Variants in MYT1L observed in about 807,000 individuals in gnomAD.
MYT1L encodes the protein myelin transcription factor 1 like.
A neutral mutation model predicts 126.7 loss-of-function variants in MYT1L; 12 were observed. That is an observed-to-expected ratio of 0.09 (90% CI 0.06 to 0.15). The LOEUF (loss-of-function observed/expected upper bound fraction) is 0.15. Among genes scored for constraint, MYT1L ranks in the 10% least tolerant of loss-of-function variants. The pLI is 1.00. For missense variants in MYT1L, 979 were observed against 1,585.2 expected (o/e 0.62, Z 6.49); for synonymous variants, 541 against 604.2 (o/e 0.90, Z 1.53).
intron 4 of MYT1L, among the ~76,000 whole-genome samples, chr2:1,998,729 AC>A (rs2062091487): frequency 6.6e-6 from 1 of 152,070 alleles, no homozygotes; most frequent in Non-Finnish European, 1.5e-5. Flanking sequence ...AACTTCTCTT[AC>A]CCCTCCTTTG....
intron 2 of MYT1L, among the ~76,000 whole-genome samples, chr2:2,185,284 C>T (rs2091994625): frequency 6.6e-6 from 1 of 152,232 alleles, no homozygotes; most frequent in Non-Finnish European, 1.5e-5. Context: ...CATATTTGTG[C>T]TATTTAATTA....
At chr2:1,980,193 T>A (rs1023694534) in intron 5 of MYT1L, among the ~76,000 whole-genome samples, 12 of 147,904 alleles carry the variant, frequency 8.1e-5, no homozygotes, top group African/African-American at 2.9e-4. Flanking sequence ...ATATCTTATG[T>A]ATATATAAAA....
chr2:1,869,498 G>C (rs536212090), intron 18 of MYT1L, among the ~76,000 whole-genome samples: 4 of 152,322 alleles, frequency 2.6e-5, no homozygotes, highest in South Asian at 2.1e-4. Context: ...CGGTGTAACA[G>C]AGATGGGACT....
intron 8 of MYT1L, among the ~76,000 whole-genome samples, chr2:1,951,777 A>G (rs569620421): frequency 6.6e-6 from 1 of 152,298 alleles, no homozygotes; most frequent in African/African-American, 2.4e-5. Flanking sequence ...TGCTTCCCAA[A>G]TCTGAGTTCT....
At chr2:1,803,455 G>C (rs1558601399) in intron 22 of MYT1L, among the ~76,000 whole-genome samples, 1 of 152,238 alleles carries the variant, frequency 6.6e-6, no homozygotes, top group Non-Finnish European at 1.5e-5. Flanking sequence ...AAGAATTCAT[G>C]ATAAATGTCA....
chr2:1,936,202 C>T (rs963035204), intron 9 of MYT1L, among the ~76,000 whole-genome samples: 2 of 152,184 alleles, frequency 1.3e-5, no homozygotes, highest in South Asian at 2.1e-4. Context: ...GGATTACAGG[C>T]GTGAGCCACC....
At chr2:1,901,471 A>T (rs1374708203) in intron 14 of MYT1L, among the ~76,000 whole-genome samples, 1 of 152,152 alleles carries the variant, frequency 6.6e-6, no homozygotes, top group Admixed American at 6.5e-5. Flanking sequence ...AACCAACAGA[A>T]CTATTTCTGT....
chr2:2,249,555 A>C (rs549923824), intron 2 of MYT1L, among the ~76,000 whole-genome samples: 1 of 152,248 alleles, frequency 6.6e-6, no homozygotes, highest in Non-Finnish European at 1.5e-5. Flanking sequence ...TAAATGTAAG[A>C]CCTCAAACTA....
At chr2:1,906,118 C>T (rs2051018325) in intron 13 of MYT1L, among the ~76,000 whole-genome samples, 1 of 152,152 alleles carries the variant, frequency 6.6e-6, no homozygotes, top group Non-Finnish European at 1.5e-5. Context: ...GACACAAAAG[C>T]TATTTTTTAA....
At chr2:1,999,240 C>A (rs766764870) in intron 4 of MYT1L, among the ~76,000 whole-genome samples, 21 of 152,122 alleles carry the variant, frequency 1.4e-4, no homozygotes, top group African/African-American at 5.1e-4. Flanking sequence ...TTTCTAATTT[C>A]TAAATGTGAT....
intron 5 of MYT1L, among the ~76,000 whole-genome samples, chr2:1,984,352 T>C (rs1221104423): frequency 6.6e-6 from 1 of 152,002 alleles, no homozygotes; most frequent in Non-Finnish European, 1.5e-5. Context: ...TGTGCCACCA[T>C]GCCTGGCTAA....
intron 3 of MYT1L, among the ~76,000 whole-genome samples, chr2:2,141,803 G>A (rs1022619268): frequency 5.9e-5 from 9 of 152,266 alleles, no homozygotes; most frequent in African/African-American, 1.7e-4. Flanking sequence ...TCAGCCAAAC[G>A]CCAGAGAGCT....
chr2:1,832,978 A>G (rs573558002), intron 21 of MYT1L, among the ~76,000 whole-genome samples: 4 of 152,212 alleles, frequency 2.6e-5, no homozygotes, highest in Non-Finnish European at 4.4e-5. Flanking sequence ...GACGGAGATC[A>G]TCGGTGCTGG....
At chr2:2,151,163 C>T (rs2085726697) in intron 3 of MYT1L, among the ~76,000 whole-genome samples, 1 of 152,094 alleles carries the variant, frequency 6.6e-6, no homozygotes, top group African/African-American at 2.4e-5. Flanking sequence ...TATAACTCGA[C>T]CAGCTTTAGA....
At chr2:1,863,257 C>T (rs1254300030) in intron 18 of MYT1L, among the ~76,000 whole-genome samples, 1 of 152,164 alleles carries the variant, frequency 6.6e-6, no homozygotes, top group Non-Finnish European at 1.5e-5. Context: ...ATCCTGTGGC[C>T]TTTGGGACTA....
chr2:2,152,410 A>C (rs2085954674), intron 3 of MYT1L, among the ~76,000 whole-genome samples: 1 of 152,250 alleles, frequency 6.6e-6, no homozygotes, highest in Non-Finnish European at 1.5e-5. Context: ...GACTGTGGTG[A>C]GTAGTTGAAA....
At chr2:2,122,108 G>C (rs2081098266) in intron 3 of MYT1L, among the ~76,000 whole-genome samples, 1 of 152,214 alleles carries the variant, frequency 6.6e-6, no homozygotes, top group South Asian at 2.1e-4. Flanking sequence ...GCACTGGTGA[G>C]ATCCCACACT....
chr2:2,012,115 T>C (rs1269289382), intron 4 of MYT1L, among the ~76,000 whole-genome samples: 2 of 152,238 alleles, frequency 1.3e-5, no homozygotes, highest in Non-Finnish European at 2.9e-5. Context: ...CACATTCATA[T>C]AAAGACTGTA....
intron 4 of MYT1L, among the ~76,000 whole-genome samples, chr2:1,999,556 G>T (rs2062172119): frequency 6.6e-6 from 1 of 151,982 alleles, no homozygotes; most frequent in African/African-American, 2.4e-5. Context: ...ATATAAAAAT[G>T]TATTTTTGCA....
Sources: gnomAD v4.1 joint callset for allele counts (sites outside exome capture counted in the v4.1 genomes callset) on GRCh38, gnomAD v4.1.1 for gene constraint, MANE v1.5 for transcripts, NCBI Gene and HGNC (gene_info 2026-07-23, HGNC 2026-07-21) for gene names.